PLEKHG3: variants seen among roughly 807,000 people sequenced by gnomAD.
The protein encoded by PLEKHG3 is pleckstrin homology domain-containing family G member 3.
In PLEKHG3, 62 loss-of-function variants were observed where a neutral mutation model predicts 94.9. The ratio of observed to expected loss-of-function variants is 0.65; its 90% confidence interval spans 0.53 to 0.81. PLEKHG3 has a LOEUF of 0.81. Ranked by LOEUF, PLEKHG3 falls within the 30% of genes least tolerant of loss-of-function variation. PLEKHG3 has a pLI of 0.00. For synonymous variants in PLEKHG3, 614 were observed against 654.0 expected (o/e 0.94, Z 0.93); for missense variants, 1,461 against 1,619.3 (o/e 0.90, Z 1.68).
Position 64,730,705 on chromosome 14 carries a change from AG to A in PLEKHG3, c.566+18del. ...TTACCCCAAGTGAGTAATTGGGGTG[AG>A]AGGGAAGGCAGAGCCATTTGGTGAG... On this transcript the variant is annotated intron_variant, in intron 5 of 16. Coordinates refer to ENST00000247226, the MANE Select transcript of PLEKHG3 (RefSeq NM_001308147.2). The surrounding 1 kb of genome is among the most constrained non-coding windows in gnomAD (Gnocchi z 5.4). 6.2e-7 allele frequency: 1 copy of A among 1,613,052 alleles called. No individual in the cohort carries two copies. The highest frequency in any genetic ancestry group is 1.1e-5 in the South Asian group (1 of 91,056).
chr14:64,749,189 C>A lies in PLEKHG3; in HGVS notation c.*5486C>A, dbSNP rs996925338. ...CAGTGCAGCGTGGGGCCCGGGGGCC[C>A]GGCCCGCGACTCGACTCATCTCGAT... On this transcript the variant is annotated 3_prime_UTR_variant, in exon 17 of 17. Transcript: ENST00000247226. This position sits in a 1 kb window ranked among gnomAD's most constrained non-coding sequence, Gnocchi z 4.7. The A allele has an allele frequency of 3.8e-6, 5 of 1,299,964 alleles. No individual in the cohort carries two copies. Among genetic ancestry groups the A allele is most frequent in the Non-Finnish European group, 5.3e-6 (5 of 949,972 alleles). The allele number at this position is 1,299,964 out of a possible 1,614,324, so 80.5% of individuals were successfully genotyped here.
intron 12 of PLEKHG3, among the ~76,000 whole-genome samples, chr14:64,736,560 G>A (rs558889400): frequency 3.3e-5 from 5 of 152,314 alleles, no homozygotes; most frequent in South Asian, 2.1e-4. Context: ...GCTCCTGCGC[G>A]AGGGCCCTGG....
At chr14:64,733,030 G>A in intron 12 of PLEKHG3, 129 bp downstream of exon 12, 1 of 630,870 alleles carries the variant, frequency 1.6e-6, no homozygotes, top group Non-Finnish European at 2.8e-6. Flanking sequence ...CTAGAGCGGG[G>A]CTGGACACAC....
In PLEKHG3 at chr14:64,742,101, G is replaced by T. The variant is rs1450119076; in HGVS notation, c.2584G>T (p.Ala862Ser). Residue 862 changes from alanine (A) to serine (S), a missense_variant, in exon 16 of 17, where the codon GCC becomes TCC. Transcript: ENST00000247226. Reference protein sequence around the residue: ...HELGAITEESATASPESSSPT... With the variant: ...HELGAITEESSTASPESSSPT... ...GCTGGGAGCCATCACAGAGGAGTCG[G>T]CCACTGCCTCCCCGGAAAGCTCCTC... 6.2e-7 allele frequency: 1 copy of T among 1,610,358 alleles called. No individual in the cohort carries two copies. Among genetic ancestry groups the T allele is most frequent in the Admixed American group, 1.7e-5 (1 of 59,998 alleles).
chr14:64,724,074 T>A (rs1005829713), intron 1 of PLEKHG3, among the ~76,000 whole-genome samples: 1 of 151,862 alleles, frequency 6.6e-6, no homozygotes, highest in Non-Finnish European at 1.5e-5. Flanking sequence ...GGGAATCTTA[T>A]AGTATGGAGT....
rs758018487 is a variant in PLEKHG3, at chr14:64,722,195, G to A, written c.-39-5398G>A. Among the ~76,000 whole-genome samples the A allele has an allele frequency of 8.5e-5, 13 of 152,098 alleles. No individual in the cohort carries two copies. The highest frequency in any genetic ancestry group is 1.8e-4 in the Non-Finnish European group (12 of 68,008). On this transcript the variant is annotated intron_variant, in intron 1 of 16. Transcript: ENST00000247226. The surrounding 1 kb of genome is among the most constrained non-coding windows in gnomAD (Gnocchi z 4.3). ...AGGGCTGCGCCATCGCCGTTCCTGA[G>A]TGAGGACTTTCTTTCTTCCTTTCTT...
chr14:64,721,896 G>C lies in PLEKHG3; in HGVS notation c.-39-5697G>C, dbSNP rs545262361. ...GGCCCAGAGTGGTGCCGAGCTGTGG[G>C]TAAGAGCACAGCCGAGGGATTTCAC... is the stretch of plus-strand genomic sequence containing the variant. On this transcript the variant is annotated intron_variant, in intron 1 of 16. Transcript: ENST00000247226. This position sits in a 1 kb window ranked among gnomAD's most constrained non-coding sequence, Gnocchi z 4.3. Among the ~76,000 whole-genome samples the C allele has an allele frequency of 1.3e-5, 2 of 152,340 alleles. No individual in the cohort carries two copies. The highest frequency in any genetic ancestry group is 6.8e-3 in the Middle Eastern group (2 of 294).
At chr14:64,737,083 C>T (rs2081586013) in intron 13 of PLEKHG3, 192 bp downstream of exon 13, 1 of 670,048 alleles carries the variant, frequency 1.5e-6, no homozygotes, top group Non-Finnish European at 2.8e-6. Context: ...GGAGCTCTCC[C>T]CCATGCACAG....
At chr14:64,737,451 G>A in intron 14 of PLEKHG3, 76 bp downstream of exon 14, 3 of 996,486 alleles carry the variant, frequency 3.0e-6, no homozygotes, top group Non-Finnish European at 3.0e-6. Flanking sequence ...GGCCCCTTCA[G>A]CCCTCATTGT....
chr14:64,740,889 T>C, intron 15 of PLEKHG3, 147 bp from the exon 16 acceptor site: 1 of 634,340 alleles, frequency 1.6e-6, no homozygotes, highest in Non-Finnish European at 2.8e-6. Context: ...CATCACCTAC[T>C]CCTAAGTCGT....
chr14:64,748,999 T>TGGGAGAGGAGGGC lies in PLEKHG3; in HGVS notation c.*5298_*5310dup, dbSNP rs2081895521. On this transcript the variant is annotated 3_prime_UTR_variant, in exon 17 of 17. Coordinates refer to ENST00000247226, the MANE Select transcript of PLEKHG3 (RefSeq NM_001308147.2). ...GTGCCCCCTCGGCTCAGGAGGAGGG[T>TGGGAGAGGAGGGC]GGGAGAGGAGGGCGTGTGCCTCAGA... is the stretch of plus-strand genomic sequence containing the variant. 1 of 203,038 alleles carries TGGGAGAGGAGGGC rather than the reference T, an allele frequency of 4.9e-6. No individual in the cohort carries two copies. The allele number at this position is 203,038 out of a possible 1,614,324, so 12.6% of individuals were successfully genotyped here. A position where few individuals can be genotyped will look rare whatever the true frequency, so the allele number is the denominator to read the frequency against.
At position 64,730,521 on chromosome 14, in the gene PLEKHG3, C is replaced by T. The variant is rs928632446; in HGVS notation, c.520-121C>T. On this transcript the variant is annotated intron_variant, in intron 4 of 16. Coordinates refer to ENST00000247226, the MANE Select transcript of PLEKHG3 (RefSeq NM_001308147.2). This position sits in a 1 kb window ranked among gnomAD's most constrained non-coding sequence, Gnocchi z 5.4. ...TTGACAAATAGGTATAAAGATGGCT[C>T]TGTAGGCATTTGGGAACAGGGGACA... is the stretch of plus-strand genomic sequence containing the variant. 3.4e-5 allele frequency: 29 copies of T among 842,226 alleles called. No homozygotes were observed. The African/African-American group carries it at 4.2e-4, about 12-fold the overall frequency. The allele number at this position is 842,226 out of a possible 1,614,324, so 52.2% of individuals were successfully genotyped here.
At chr14:64,708,843 A>C (rs1235090030) in intron 1 of PLEKHG3, among the ~76,000 whole-genome samples, 1 of 121,132 alleles carries the variant, frequency 8.3e-6, no homozygotes, top group Non-Finnish European at 1.6e-5. Context: ...ATGTCGCTGC[A>C]CACTCGGCAG....
rs2081353417 is a variant in PLEKHG3, at chr14:64,726,361, G to A, written c.-39-1232G>A. 6.6e-6 allele frequency among the ~76,000 whole-genome samples: 1 copy of A among 152,146 alleles called. No homozygotes were observed. Among genetic ancestry groups the A allele is most frequent in the Non-Finnish European group, 1.5e-5 (1 of 68,004 alleles). On this transcript the variant is annotated intron_variant, in intron 1 of 16. Coordinates refer to ENST00000247226, the MANE Select transcript of PLEKHG3 (RefSeq NM_001308147.2). The surrounding 1 kb of genome is among the most constrained non-coding windows in gnomAD (Gnocchi z 5.1). ...TCACTTCTGAGCCCTAGAGCTAGGG[G>A]TAGAAGACTCGGGTCAGTAGGGGTG...
At position 64,741,578 on chromosome 14, in the gene PLEKHG3, G is replaced by C; in HGVS notation, c.2061G>C (p.Glu687Asp). The change falls in exon 16 of 17, where the codon GAG (glutamate) becomes GAC (aspartate). Residue 687 changes from glutamate (E) to aspartate (D), a missense_variant. Physicochemically the swap from Glu to Asp is conservative, Grantham distance 45. Transcript: ENST00000247226. The part of the protein sequence containing the change: ...TEDSPSVNGM[E>D]PPSPGCPVEP... Reference sequence around the variant, plus strand: ...ACAGCCCTTCTGTCAATGGGATGGAGCCCCCAAGCCCAGGCTGCCCAGTGG... The same window carrying C: ...ACAGCCCTTCTGTCAATGGGATGGACCCCCCAAGCCCAGGCTGCCCAGTGG... The C allele has an allele frequency of 6.2e-7, 1 of 1,612,968 alleles. No homozygotes were observed. The highest frequency in any genetic ancestry group is 8.5e-7 in the Non-Finnish European group (1 of 1,180,030).
chr14:64,705,243 C>T lies in PLEKHG3; in HGVS notation c.-40+539C>T, dbSNP rs537738361. ...AAGCGGGGAGCGGAAAGCCCGGCCA[C>T]CAGCTGCCTCGACCTCGTCCACTCC... On this transcript the variant is annotated intron_variant, in intron 1 of 16. Coordinates refer to ENST00000247226, the MANE Select transcript of PLEKHG3 (RefSeq NM_001308147.2). Among the ~76,000 whole-genome samples the T allele has an allele frequency of 3.9e-5, 6 of 152,354 alleles. No homozygotes were observed. In the East Asian group the frequency reaches 1.2e-3, roughly 29 times the overall value.
At position 64,722,662 on chromosome 14, in the gene PLEKHG3, G is replaced by A. The variant is rs2081282511; in HGVS notation, c.-39-4931G>A. Among the ~76,000 whole-genome samples, 1 of 152,180 alleles carries A rather than the reference G, an allele frequency of 6.6e-6. No homozygotes were observed. The highest frequency in any genetic ancestry group is 2.4e-5 in the African/African-American group (1 of 41,446). On this transcript the variant is annotated intron_variant, in intron 1 of 16. Transcript: ENST00000247226. The surrounding 1 kb of genome is among the most constrained non-coding windows in gnomAD (Gnocchi z 4.3). ...TGGTGCGGTGTGGCTTCTCATTCTT[G>A]AGTGTGGGGTGAAGGGCAGTGGATG... is the stretch of plus-strand genomic sequence containing the variant.
In PLEKHG3 at chr14:64,721,000, C is replaced by T. The variant is rs186985223; in HGVS notation, c.-39-6593C>T. On this transcript the variant is annotated intron_variant, in intron 1 of 16. Transcript: ENST00000247226. This position sits in a 1 kb window ranked among gnomAD's most constrained non-coding sequence, Gnocchi z 4.1. ...CTTACGAGGAGCCTTATGATCACAT[C>T]AGGCCCACCGGGCTAATCCAGGATA... Among the ~76,000 whole-genome samples the T allele has an allele frequency of 6.6e-6, 1 of 152,336 alleles. No homozygotes were observed. The highest frequency in any genetic ancestry group is 1.9e-4 in the East Asian group (1 of 5,182).
chr14:64,731,036 A>G lies in PLEKHG3; in HGVS notation c.718-2A>G. Reference sequence around the variant, plus strand: ...GCACCTAAGCGTCTATCTTCTGCGCAGGAAATTGCCAAGCATTTTGATGAA... The same window carrying G: ...GCACCTAAGCGTCTATCTTCTGCGCGGGAAATTGCCAAGCATTTTGATGAA... On this transcript the variant is annotated splice_acceptor_variant, in intron 6 of 16. Transcript: ENST00000247226. LOFTEE classifies it high-confidence loss of function. The surrounding 1 kb of genome is among the most constrained non-coding windows in gnomAD (Gnocchi z 6.1). 2 of 1,614,134 alleles carry G rather than the reference A, an allele frequency of 1.2e-6. No individual in the cohort carries two copies. Among genetic ancestry groups the G allele is most frequent in the Non-Finnish European group, 8.5e-7 (1 of 1,180,012 alleles).
Sources: gnomAD v4.1 joint callset for allele counts (sites outside exome capture counted in the v4.1 genomes callset) on GRCh38, gnomAD v4.1.1 for gene constraint, Gnocchi (gnomAD v3.1) non-coding constraint, MANE v1.5 for transcripts, NCBI Gene and HGNC (gene_info 2026-07-23, HGNC 2026-07-21) for gene names.